GRIK2: variants seen among roughly 807,000 people sequenced by gnomAD.
GRIK2 encodes glutamate ionotropic receptor kainate type subunit 2, also known as glutamate receptor ionotropic, kainate 2.
A neutral mutation model predicts 100.3 loss-of-function variants in GRIK2; 32 were observed. That is an observed-to-expected ratio of 0.32 (90% CI 0.24 to 0.43). The LOEUF is 0.43. Among genes scored for constraint, GRIK2 ranks in the 20% least tolerant of loss-of-function variants. The pLI is 1.00. For missense variants in GRIK2, 843 were observed against 1,114.9 expected (o/e 0.76, Z 3.47); for synonymous variants, 417 against 389.4 (o/e 1.07, Z -0.83).
chr6:101,711,443 A>G (rs957755803), intron 7 of GRIK2, among the ~76,000 whole-genome samples: 4 of 151,770 alleles, frequency 2.6e-5, no homozygotes, highest in African/African-American at 4.8e-5. Context: ...ATTCATGACC[A>G]TATACTTACA....
intron 12 of GRIK2, among the ~76,000 whole-genome samples, chr6:101,892,633 A>T (rs1787182063): frequency 6.6e-6 from 1 of 151,974 alleles, no homozygotes; most frequent in African/African-American, 2.4e-5. Flanking sequence ...CTTATTCCAC[A>T]ATTTCAAAAC....
chr6:101,443,531 G>C (rs1770198658), intron 2 of GRIK2, among the ~76,000 whole-genome samples: 1 of 152,062 alleles, frequency 6.6e-6, no homozygotes, highest in South Asian at 2.1e-4. Context: ...ATTCAATTTT[G>C]TTCAACCATA....
intron 12 of GRIK2, among the ~76,000 whole-genome samples, chr6:101,919,305 A>G (rs188637176): frequency 1.2e-3 from 175 of 151,914 alleles, no homozygotes; most frequent in African/African-American, 3.9e-3. Context: ...ACAAAAGTGC[A>G]ATGAAGTCGG....
chr6:101,668,191 ATTTCC>A (rs1266115560), intron 4 of GRIK2, among the ~76,000 whole-genome samples: 3 of 152,002 alleles, frequency 2.0e-5, no homozygotes, highest in African/African-American at 7.2e-5. Context: ...CTCTTTGAAG[ATTTCC>A]TTTCATTTCC....
intron 7 of GRIK2, among the ~76,000 whole-genome samples, chr6:101,699,902 T>A (rs540795428): frequency 6.6e-6 from 1 of 152,202 alleles, no homozygotes; most frequent in African/African-American, 2.4e-5. Context: ...ATCCCAGCAC[T>A]TTGGGAGGCC....
intron 2 of GRIK2, among the ~76,000 whole-genome samples, chr6:101,553,022 G>A (rs982713510): frequency 2.6e-5 from 4 of 152,076 alleles, no homozygotes; most frequent in African/African-American, 9.7e-5. Flanking sequence ...AGTTACCCCA[G>A]TGAATATTTT....
In GRIK2 at chr6:101,760,014, C is replaced by T. The variant is rs927270108; in HGVS notation, c.952-39634C>T. 3.0e-5 allele frequency among the ~76,000 whole-genome samples: 4 copies of T among 133,900 alleles called. 1 individual carries two copies. The highest frequency in any genetic ancestry group is 6.5e-5 in the African/African-American group (2 of 30,672). The allele number at this position is 133,900 out of a possible 152,430, so 87.8% of individuals were successfully genotyped here. A position where few individuals can be genotyped will look rare whatever the true frequency, so the allele number is the denominator to read the frequency against. On this transcript the variant is annotated intron_variant, in intron 7 of 16. Transcript: ENST00000369134. ...CCTCCCGAGTAGCTGGGACTACAGG[C>T]GCCCGCCACCGCGCCCGGCTAATTT...
At chr6:101,573,875 T>C (rs1236674050) in intron 2 of GRIK2, among the ~76,000 whole-genome samples, 2 of 152,092 alleles carry the variant, frequency 1.3e-5, no homozygotes, top group Non-Finnish European at 2.9e-5. Flanking sequence ...TATGGTAGAA[T>C]TTAAAAGCTT....
chr6:101,639,394 G>A (rs2128323685), intron 4 of GRIK2, among the ~76,000 whole-genome samples: 1 of 152,174 alleles, frequency 6.6e-6, no homozygotes, highest in East Asian at 1.9e-4. Flanking sequence ...TCAAACCTAG[G>A]TTTAAATTTA....
intron 15 of GRIK2, among the ~76,000 whole-genome samples, chr6:102,043,344 T>G (rs549388838): frequency 2.0e-5 from 3 of 151,918 alleles, no homozygotes; most frequent in Admixed American, 1.3e-4. Flanking sequence ...ACTAATTATA[T>G]TCACCATGTT....
At chr6:101,767,704 T>A (rs1374252220) in intron 7 of GRIK2, among the ~76,000 whole-genome samples, 1 of 152,076 alleles carries the variant, frequency 6.6e-6, no homozygotes, top group East Asian at 1.9e-4. Flanking sequence ...TCTGAGGAAG[T>A]CAGGAGCATG....
At chr6:101,556,516 G>T (rs1301960575) in intron 2 of GRIK2, among the ~76,000 whole-genome samples, 1 of 151,066 alleles carries the variant, frequency 6.6e-6, no homozygotes, top group Non-Finnish European at 1.5e-5. Flanking sequence ...CTGTTCATTT[G>T]TATTTTATTT....
At chr6:101,872,333 C>A (rs1785480437) in intron 11 of GRIK2, among the ~76,000 whole-genome samples, 9 of 151,792 alleles carry the variant, frequency 5.9e-5, no homozygotes, top group Admixed American at 5.9e-4. Context: ...GCTGGGGAGG[C>A]ATCAGGAGAC....
chr6:101,513,696 TC>T (rs1439561263), intron 2 of GRIK2, among the ~76,000 whole-genome samples: 4 of 152,124 alleles, frequency 2.6e-5, no homozygotes, highest in South Asian at 2.1e-4. Flanking sequence ...AGGCCATGAC[TC>T]CCCAGACACC....
intron 6 of GRIK2, among the ~76,000 whole-genome samples, chr6:101,684,371 C>T (rs1397752170): frequency 6.6e-6 from 1 of 152,152 alleles, no homozygotes; most frequent in Non-Finnish European, 1.5e-5. Flanking sequence ...TACTTTGATC[C>T]TAATCGAACT....
At chr6:101,748,657 T>G (rs922981387) in intron 7 of GRIK2, among the ~76,000 whole-genome samples, 3 of 152,126 alleles carry the variant, frequency 2.0e-5, no homozygotes, top group Non-Finnish European at 4.4e-5. Flanking sequence ...TATCACAGTA[T>G]CTGATACTCT....
intron 12 of GRIK2, among the ~76,000 whole-genome samples, chr6:101,903,809 A>G (rs934378334): frequency 2.0e-5 from 3 of 151,610 alleles, no homozygotes; most frequent in Non-Finnish European, 4.4e-5. Flanking sequence ...TAGTTGGTAA[A>G]TTGATACCCT....
chr6:101,471,363 G>A (rs954000613), intron 2 of GRIK2, among the ~76,000 whole-genome samples: 2 of 151,930 alleles, frequency 1.3e-5, no homozygotes, highest in African/African-American at 4.8e-5. Flanking sequence ...TGTTCGTCAC[G>A]TGCCACCTAA....
At chr6:102,024,446 T>TAAAC (rs1286746278) in intron 14 of GRIK2, among the ~76,000 whole-genome samples, 1 of 151,320 alleles carries the variant, frequency 6.6e-6, no homozygotes, top group Admixed American at 6.6e-5. Context: ...AGACAACTGT[T>TAAAC]AAACATTTAC....
Sources: gnomAD v4.1 joint callset for allele counts (sites outside exome capture counted in the v4.1 genomes callset) on GRCh38, gnomAD v4.1.1 for gene constraint, MANE v1.5 for transcripts, NCBI Gene and HGNC (gene_info 2026-07-23, HGNC 2026-07-21) for gene names.